The following AAGAB variants were observed in gnomAD, a reference collection of about 807,000 sequenced individuals.
The protein encoded by AAGAB is alpha- and gamma-adaptin-binding protein p34.
A neutral mutation model predicts 44.1 loss-of-function variants in AAGAB; 38 were observed. The observed-to-expected ratio is 0.86, with a 90% CI of 0.67 to 1.13. The LOEUF (loss-of-function observed/expected upper bound fraction) is 1.13, where lower values mean the gene tolerates loss of function less well. AAGAB is among the 50% of genes most tolerant of loss of function. The pLI is 0.00. For missense variants in AAGAB, 450 were observed against 373.8 expected (o/e 1.20, Z -1.68); for synonymous variants, 131 against 131.8 (o/e 0.99, Z 0.04).
intron 5 of AAGAB, among the ~76,000 whole-genome samples, chr15:67,212,682 C>T (rs1272195683): frequency 4.6e-5 from 7 of 152,196 alleles, no homozygotes; most frequent in Non-Finnish European, 8.8e-5. Flanking sequence ...CAAATTGACA[C>T]AACGAGAAAA....
intron 1 of AAGAB, among the ~76,000 whole-genome samples, chr15:67,250,366 G>A (rs1455522710): frequency 2.0e-5 from 3 of 152,018 alleles, no homozygotes; most frequent in African/African-American, 7.2e-5. Context: ...TAGTAGAGAC[G>A]GGGTTTCTCC....
chr15:67,203,711 C>T (rs1434822665), intron 8 of AAGAB, 114 bp from the exon 9 acceptor site: 5 of 914,572 alleles, frequency 5.5e-6, no homozygotes, highest in Non-Finnish European at 8.5e-6. Flanking sequence ...ATGATGTAGT[C>T]ATTACATGTA....
At chr15:67,234,347 T>C (rs1964414938) in intron 4 of AAGAB, among the ~76,000 whole-genome samples, 1 of 152,218 alleles carries the variant, frequency 6.6e-6, no homozygotes, top group Non-Finnish European at 1.5e-5. Flanking sequence ...CTAAAAGTCA[T>C]GTTTATCTTA....
intron 5 of AAGAB, among the ~76,000 whole-genome samples, chr15:67,222,242 G>GCGCGCGCGCGCGCGCACACACA (rs1367738219): frequency 5.6e-5 from 5 of 90,042 alleles, no homozygotes; most frequent in African/African-American, 1.9e-4. Flanking sequence ...GCGCGCGCGC[G>GCGCGCGCGCGCGCGCACACACA]CACACACACA....
chr15:67,223,415 C>A (rs1416375518), intron 5 of AAGAB, among the ~76,000 whole-genome samples: 1 of 152,234 alleles, frequency 6.6e-6, no homozygotes, highest in Non-Finnish European at 1.5e-5. Context: ...GGCAACTAAT[C>A]TTTCAAGTGT....
At chr15:67,222,242 G>GCGCGCGCGCGCGCACACACACACA (rs1367738219) in intron 5 of AAGAB, among the ~76,000 whole-genome samples, 6 of 90,042 alleles carry the variant, frequency 6.7e-5, no homozygotes, top group African/African-American at 2.3e-4. Context: ...GCGCGCGCGC[G>GCGCGCGCGCGCGCACACACACACA]CACACACACA....
chr15:67,224,912 G>A (rs1462856458), intron 5 of AAGAB, among the ~76,000 whole-genome samples: 1 of 152,090 alleles, frequency 6.6e-6, no homozygotes, highest in African/African-American at 2.4e-5. Flanking sequence ...CATAATTTAG[G>A]AATTAGAGAA....
At chr15:67,215,836 G>A (rs146674799) in intron 5 of AAGAB, among the ~76,000 whole-genome samples, 5 of 152,206 alleles carry the variant, frequency 3.3e-5, no homozygotes, top group South Asian at 4.1e-4. Context: ...AAATAATTAC[G>A]AGAATCAATT....
rs1963582335 is a variant in AAGAB at position 67,202,122 on chromosome 15, A to C, written c.*699T>G. ...GACTCCTTAAGGTTCTCTCTAACAT[A>C]CAACATATCCCCCACAACTCAGTAG... On this transcript the variant is annotated 3_prime_UTR_variant, in exon 10 of 10. Coordinates refer to ENST00000261880, the MANE Select transcript of AAGAB (RefSeq NM_024666.5). 1 of 152,408 alleles carries C rather than the reference A, an allele frequency of 6.6e-6. No homozygotes were observed. The highest frequency in any genetic ancestry group is 6.5e-5 in the Admixed American group (1 of 15,280). The allele number at this position is 152,408 out of a possible 1,614,324, so 9.4% of individuals were successfully genotyped here. A position where few individuals can be genotyped will look rare whatever the true frequency, so the allele number is the denominator to read the frequency against.
At position 67,236,078 on chromosome 15, in the gene AAGAB, T is replaced by A. The variant is rs750998814; in HGVS notation, c.362-10A>T. The A allele has an allele frequency of 3.4e-5, 54 of 1,577,168 alleles. No homozygotes were observed. Among genetic ancestry groups the A allele is most frequent in the Non-Finnish European group, 4.2e-5 (48 of 1,152,466 alleles). On this transcript the variant is annotated splice_polypyrimidine_tract_variant and intron_variant, in intron 3 of 9. Transcript: ENST00000261880. ...TTTTGTCGGTTTATACCTAAAATAA[T>A]ATGCAAAAGAATCTTCATAAGTAAA...
chr15:67,221,310 AG>A (rs1964060015), intron 5 of AAGAB: 1 of 152,262 alleles, frequency 6.6e-6, no homozygotes, highest in South Asian at 2.1e-4. Flanking sequence ...TATGACACAA[AG>A]TAAAATACAT....
chr15:67,212,311 C>T (rs1963843007), intron 5 of AAGAB, among the ~76,000 whole-genome samples: 1 of 152,050 alleles, frequency 6.6e-6, no homozygotes, highest in South Asian at 2.1e-4. Context: ...GTATTATTTA[C>T]CTATTCGAAG....
At chr15:67,219,890 T>C (rs960850505) in intron 5 of AAGAB, among the ~76,000 whole-genome samples, 23 of 152,188 alleles carry the variant, frequency 1.5e-4, no homozygotes, top group Non-Finnish European at 2.6e-4. Context: ...GAATAATAAT[T>C]TGCCTATACT....
upstream of AAGAB, chr15:67,254,993 C>CA: frequency 6.3e-7 from 1 of 1,582,526 alleles, no homozygotes; most frequent in East Asian, 2.3e-5. Context: ...AGCCGCGCCA[C>CA]TTCCGAGCGA....
chr15:67,244,139 T>TC (rs765768247), intron 1 of AAGAB, among the ~76,000 whole-genome samples: 3 of 152,150 alleles, frequency 2.0e-5, no homozygotes, highest in Non-Finnish European at 2.9e-5. Flanking sequence ...GAGATGAATT[T>TC]CCCAAAACAG....
upstream of AAGAB, chr15:67,255,142 AG>A (rs1228788233): frequency 1.6e-6 from 1 of 617,680 alleles, no homozygotes; most frequent in Non-Finnish European, 2.9e-6. Context: ...CTTACCCTGT[AG>A]GTTACGCCCC....
chr15:67,254,726 G>T (rs1278047132), upstream of AAGAB: 1 of 1,397,156 alleles, frequency 7.2e-7, no homozygotes, highest in Non-Finnish European at 9.9e-7. Flanking sequence ...CGGAGAGGGC[G>T]TTCTCGGAAT....
rs1319039846 is a variant in AAGAB at position 67,231,769 on chromosome 15, C to T, written c.535+45G>A. 6.9e-6 allele frequency: 10 copies of T among 1,445,826 alleles called. 1 individual carries two copies. In the South Asian group the frequency reaches 9.2e-5, roughly 13 times the overall value. The allele number at this position is 1,445,826 out of a possible 1,614,324, so 89.6% of individuals were successfully genotyped here. A position where few individuals can be genotyped will look rare whatever the true frequency, so the allele number is the denominator to read the frequency against. On this transcript the variant is annotated intron_variant, in intron 5 of 9. Coordinates refer to ENST00000261880, the MANE Select transcript of AAGAB (RefSeq NM_024666.5). ...ATATATCTCAATAATTTAAAACTTA[C>T]AAGGAACAAGAGGAAAAAAATGACT...
intron 1 of AAGAB, among the ~76,000 whole-genome samples, chr15:67,250,979 A>G (rs906771299): frequency 6.6e-6 from 1 of 152,218 alleles, no homozygotes; most frequent in African/African-American, 2.4e-5. Context: ...GTGAGCCGAG[A>G]TCGTGCCACT....
Sources: allele counts gnomAD v4.1 joint callset (sites outside exome capture counted in the v4.1 genomes callset), GRCh38; gene constraint gnomAD v4.1.1; transcripts MANE v1.5; gene names NCBI Gene and HGNC (gene_info 2026-07-23, HGNC 2026-07-21).